CUBN: variants seen among roughly 807,000 people sequenced by gnomAD.
CUBN encodes the protein cubilin.
In CUBN, 282 loss-of-function variants were observed where a neutral mutation model predicts 405.3. The ratio of observed to expected loss-of-function variants is 0.70; its 90% CI spans 0.63 to 0.77. CUBN has a LOEUF of 0.77. CUBN is among the 30% of genes least tolerant of loss of function. CUBN has a pLI of 0.00. For missense variants in CUBN, 4,514 were observed against 4,475.2 expected (o/e 1.01, Z -0.25); for synonymous variants, 1,684 against 1,617.0 (o/e 1.04, Z -0.99).
At chr10:16,878,750 C>G (rs1159253342) in intron 56 of CUBN, among the ~76,000 whole-genome samples, 1 of 152,206 alleles carries the variant, frequency 6.6e-6, no homozygotes, top group Non-Finnish European at 1.5e-5. Flanking sequence ...TACATAATTA[C>G]TAAACTACTT....
chr10:16,902,974 A>T (rs1841438761), intron 51 of CUBN, among the ~76,000 whole-genome samples: 1 of 152,214 alleles, frequency 6.6e-6, no homozygotes, highest in Admixed American at 6.5e-5. Context: ...TCCCATTGCC[A>T]AGGGAAGCAG....
At chr10:17,073,768 A>G (rs1564504569) in intron 17 of CUBN, among the ~76,000 whole-genome samples, 1 of 152,178 alleles carries the variant, frequency 6.6e-6, no homozygotes, top group African/African-American at 2.4e-5. Context: ...CTTATAGTAT[A>G]GTGGCCATGA....
rs961557864 is a variant in CUBN, at chr10:17,104,610, G to C, written c.1231-5C>G. 2 of 1,609,320 alleles carry C rather than the reference G, an allele frequency of 1.2e-6. No homozygotes were observed. Among genetic ancestry groups the C allele is most frequent in the African/African-American group, 2.7e-5 (2 of 74,258 alleles). ...AAAATAACCAGAGACAGTGTCCTAA[G>C]GGGAAAAAAAACACATAATACCATA... is the stretch of plus-strand genomic sequence containing the variant. On this transcript the variant is annotated splice_polypyrimidine_tract_variant and splice_region_variant and intron_variant, in intron 11 of 66. Transcript: ENST00000377833.
At chr10:16,911,354 C>T (rs980074858) in intron 48 of CUBN, among the ~76,000 whole-genome samples, 1 of 151,988 alleles carries the variant, frequency 6.6e-6, no homozygotes. Context: ...TTTTGGGAGA[C>T]GATTGGGAAA....
At chr10:16,890,283 C>T in intron 55 of CUBN, 88 bp downstream of exon 55, 1 of 1,331,516 alleles carries the variant, frequency 7.5e-7, no homozygotes, top group Non-Finnish European at 1.1e-6. Flanking sequence ...TACTCCTCCC[C>T]TAGACCCCCA....
At chr10:16,891,883 A>AAG (rs1841020401) in intron 54 of CUBN, among the ~76,000 whole-genome samples, 1 of 151,890 alleles carries the variant, frequency 6.6e-6, no homozygotes. Flanking sequence ...GACTATTGCT[A>AAG]CACAATCTGC....
intron 3 of CUBN, among the ~76,000 whole-genome samples, chr10:17,127,212 T>TGTC (rs1564525938): frequency 9.1e-6 from 1 of 109,628 alleles, no homozygotes; most frequent in South Asian, 2.6e-4. Context: ...CTGTCTTTCT[T>TGTC]TCTCTCTCTC....
intron 26 of CUBN, among the ~76,000 whole-genome samples, chr10:17,041,532 T>C (rs1835018750): frequency 6.6e-6 from 1 of 152,044 alleles, no homozygotes; most frequent in Non-Finnish European, 1.5e-5. Flanking sequence ...CTTGAATTTG[T>C]GGAGAGCAGA....
intron 47 of CUBN, among the ~76,000 whole-genome samples, chr10:16,914,481 C>T (rs374428297): frequency 1.3e-5 from 2 of 151,972 alleles, no homozygotes; most frequent in East Asian, 3.9e-4. Context: ...ATTGCTTGAA[C>T]CCGGGAGGCA....
chr10:17,111,166 G>A (rs1836763914), intron 8 of CUBN, 116 bp from the exon 9 acceptor site: 4 of 1,204,026 alleles, frequency 3.3e-6, no homozygotes, highest in African/African-American at 3.0e-5. Context: ...AAATAAAAAT[G>A]AGATATGCTT....
chr10:16,854,661 TA>T (rs1839817178), intron 59 of CUBN, among the ~76,000 whole-genome samples: 1 of 152,212 alleles, frequency 6.6e-6, no homozygotes. Flanking sequence ...ATGTTATTTT[TA>T]AACATTCAAG....
chr10:16,935,762 C>A (rs958986474), intron 39 of CUBN, among the ~76,000 whole-genome samples: 13 of 151,348 alleles, frequency 8.6e-5, no homozygotes, highest in African/African-American at 3.2e-4. Context: ...CACCTGTAGT[C>A]CTAGCTACTT....
chr10:17,000,837 A>T (rs1833857519), intron 28 of CUBN, among the ~76,000 whole-genome samples: 1 of 152,206 alleles, frequency 6.6e-6, no homozygotes, highest in Admixed American at 6.5e-5. Context: ...GGGAATGATA[A>T]TGCTCATTTA....
chr10:16,902,597 G>A (rs1226229279), intron 51 of CUBN, among the ~76,000 whole-genome samples: 1 of 152,010 alleles, frequency 6.6e-6, no homozygotes, highest in Non-Finnish European at 1.5e-5. Context: ...GGTTGAGTGA[G>A]TAGATAATCA....
intron 64 of CUBN, among the ~76,000 whole-genome samples, chr10:16,833,462 G>A (rs536311950): frequency 2.0e-5 from 3 of 152,274 alleles, no homozygotes; most frequent in Non-Finnish European, 1.5e-5. Context: ...AAAGGATTTA[G>A]ATGAATTCCA....
chr10:17,099,534 A>C (rs7902920), intron 14 of CUBN, among the ~76,000 whole-genome samples: 93,610 of 152,032 alleles, frequency 0.62, 30,104 homozygotes, highest in Non-Finnish European at 0.72. Context: ...AATTCTAATT[A>C]ATTCTAGGTT....
intron 4 of CUBN, among the ~76,000 whole-genome samples, chr10:17,124,661 C>CT (rs1181576492): frequency 1.3e-5 from 2 of 152,090 alleles, no homozygotes; most frequent in African/African-American, 4.8e-5. Flanking sequence ...ATCTCCTGAC[C>CT]TCGTGATCCG....
chr10:17,104,703 T>C (rs556226157), intron 11 of CUBN, 98 bp from the exon 12 acceptor site: 43 of 316,758 alleles, frequency 1.4e-4, no homozygotes, highest in Admixed American at 4.4e-4. Flanking sequence ...TGGAGATATA[T>C]AATATATAAT....
intron 43 of CUBN, among the ~76,000 whole-genome samples, 166 bp downstream of exon 43, chr10:16,925,075 G>T (rs971594340): frequency 6.6e-6 from 1 of 152,112 alleles, no homozygotes; most frequent in African/African-American, 2.4e-5. Context: ...TACTTTACTT[G>T]AAAAGTAGTC....
Sources: gnomAD v4.1 joint callset for allele counts (sites outside exome capture counted in the v4.1 genomes callset) on GRCh38, gnomAD v4.1.1 for gene constraint, MANE v1.5 for transcripts, NCBI Gene and HGNC (gene_info 2026-07-23, HGNC 2026-07-21) for gene names.